The following PPFIA2 variants were observed in gnomAD, a reference collection of about 807,000 sequenced individuals.
The protein encoded by PPFIA2 is PPFI scaffold protein A2.
Under a neutral mutation model 175.5 loss-of-function variants are expected in PPFIA2, and 46 were observed. The ratio of observed to expected loss-of-function variants is 0.26; its 90% CI spans 0.21 to 0.34. The LOEUF is 0.34. PPFIA2 is among the 10% of genes least tolerant of loss of function. The pLI is 1.00. For synonymous variants in PPFIA2, 568 were observed against 511.4 expected, an observed-to-expected ratio of 1.11 and a Z score of -1.49; for missense variants, 1,179 against 1,506.1, an observed-to-expected ratio of 0.78 and a Z score of 3.60.
At chr12:81,553,892 T>C (rs1163658256) in intron 4 of PPFIA2, among the ~76,000 whole-genome samples, 1 of 152,030 alleles carries the variant, frequency 6.6e-6, no homozygotes, top group Non-Finnish European at 1.5e-5. Context: ...ATGGTGATGA[T>C]GGAGTAGGTG....
chr12:81,578,740 G>C (rs2073976988), intron 4 of PPFIA2, among the ~76,000 whole-genome samples: 1 of 151,674 alleles, frequency 6.6e-6, no homozygotes, highest in African/African-American at 2.4e-5. Context: ...AAAGTCACAT[G>C]GTTAGTAAAT....
At chr12:81,368,485 T>C (rs552687708) in intron 13 of PPFIA2, among the ~76,000 whole-genome samples, 10 of 151,948 alleles carry the variant, frequency 6.6e-5, no homozygotes, top group African/African-American at 2.2e-4. Flanking sequence ...TTTAATACAT[T>C]TGCCTCATAT....
chr12:81,616,330 C>A (rs1182898402), intron 4 of PPFIA2, among the ~76,000 whole-genome samples: 1 of 151,936 alleles, frequency 6.6e-6, no homozygotes, highest in African/African-American at 2.4e-5. Context: ...CCGTCAAATT[C>A]TATGATTTTA....
At chr12:81,518,969 G>A (rs2062791146) in intron 4 of PPFIA2, among the ~76,000 whole-genome samples, 2 of 152,024 alleles carry the variant, frequency 1.3e-5, no homozygotes. Flanking sequence ...AACCTTTAAA[G>A]CCTATTTGAT....
chr12:81,511,473 T>C (rs1320406780), intron 4 of PPFIA2, among the ~76,000 whole-genome samples: 2 of 152,132 alleles, frequency 1.3e-5, no homozygotes, highest in East Asian at 3.8e-4. Context: ...CAAATTTGGA[T>C]AACATAGGAA....
At chr12:81,360,103 C>T (rs1429958774) in intron 15 of PPFIA2, among the ~76,000 whole-genome samples, 1 of 151,880 alleles carries the variant, frequency 6.6e-6, no homozygotes, top group Non-Finnish European at 1.5e-5. Context: ...GTGCTATTGC[C>T]ATCTACCCTT....
intron 30 of PPFIA2, among the ~76,000 whole-genome samples, chr12:81,266,356 C>G (rs531959087): frequency 6.6e-6 from 1 of 152,216 alleles, no homozygotes; most frequent in East Asian, 1.9e-4. Context: ...TCATTCATCT[C>G]GGGAGGCTAC....
In PPFIA2 at chr12:81,384,233, A is replaced by T. The variant is rs745778927; in HGVS notation, c.774T>A (p.Asn258Lys). ...GQKVHEKRLSNGSIDSTDETS... is the reference protein window; with the variant it reads ...GQKVHEKRLSKGSIDSTDETS... ...TTTCATCGGTTGAGTCTATAGAACC[A>T]TTGGACAAACGCTGCAGAAATAGAA... Residue 258 changes from asparagine to lysine, a missense_variant, in exon 9 of 33, where the codon AAT becomes AAA. Physicochemically the swap from Asn to Lys is moderately conservative, Grantham distance 94. This residue lies in a region of PPFIA2 where 226 missense variants were observed against 216.6 expected (regional missense o/e 1.04). Coordinates refer to ENST00000549396, the MANE Select transcript of PPFIA2 (RefSeq NM_003625.5). The T allele has an allele frequency of 6.4e-7, 1 of 1,573,316 alleles. No homozygotes were observed. The highest frequency in any genetic ancestry group is 2.3e-5 in the East Asian group (1 of 43,588).
intron 5 of PPFIA2, among the ~76,000 whole-genome samples, chr12:81,452,987 C>CT (rs960701869): frequency 2.7e-5 from 4 of 146,876 alleles, no homozygotes; most frequent in East Asian, 2.0e-4. Context: ...TAACGTTTTT[C>CT]TTTTTTTTTA....
At chr12:81,296,925 T>C (rs1028229957) in intron 23 of PPFIA2, among the ~76,000 whole-genome samples, 1 of 152,202 alleles carries the variant, frequency 6.6e-6, no homozygotes, top group Non-Finnish European at 1.5e-5. Flanking sequence ...TTATTTCTAA[T>C]AAATAGCTGA....
At chr12:81,512,778 G>A (rs1368669591) in intron 4 of PPFIA2, among the ~76,000 whole-genome samples, 1 of 151,768 alleles carries the variant, frequency 6.6e-6, no homozygotes, top group Non-Finnish European at 1.5e-5. Context: ...ATAAATAAAT[G>A]AGAACAAAAT....
chr12:81,488,988 G>T (rs2059144410), intron 4 of PPFIA2, among the ~76,000 whole-genome samples: 1 of 151,766 alleles, frequency 6.6e-6, no homozygotes, highest in Non-Finnish European at 1.5e-5. Flanking sequence ...ACATAAACAA[G>T]TATCTGTCCT....
intron 4 of PPFIA2, among the ~76,000 whole-genome samples, chr12:81,660,981 A>C (rs2068738027): frequency 6.6e-6 from 1 of 152,206 alleles, no homozygotes; most frequent in Non-Finnish European, 1.5e-5. Context: ...AAAATACTTT[A>C]CAGACAAGCA....
At chr12:81,291,883 T>C (rs959723909) in intron 24 of PPFIA2, among the ~76,000 whole-genome samples, 9 of 152,092 alleles carry the variant, frequency 5.9e-5, no homozygotes, top group Non-Finnish European at 1.0e-4. Flanking sequence ...AGGAAAGATG[T>C]TTGAAAAACT....
At chr12:81,473,806 T>C (rs573163035) in intron 4 of PPFIA2, among the ~76,000 whole-genome samples, 7 of 152,344 alleles carry the variant, frequency 4.6e-5, no homozygotes, top group African/African-American at 9.6e-5. Flanking sequence ...TATTTACTTA[T>C]ATCAATAAAT....
At position 81,476,867 on chromosome 12, in the gene PPFIA2, A is replaced by G. The variant is rs915514231; in HGVS notation, c.304-19001T>C. Among the ~76,000 whole-genome samples, 10 of 152,220 alleles carry G rather than the reference A, an allele frequency of 6.6e-5. No homozygotes were observed. In the East Asian group the frequency reaches 1.9e-3, roughly 29 times the overall value. On this transcript the variant is annotated intron_variant, in intron 4 of 32. Coordinates refer to ENST00000549396, the MANE Select transcript of PPFIA2 (RefSeq NM_003625.5). ...ATGTGGTGCATAAACACCATGGAAT[A>G]GTATGCATCCATAAAAAGGAACGAG... is the stretch of plus-strand genomic sequence containing the variant.
intron 19 of PPFIA2, among the ~76,000 whole-genome samples, chr12:81,341,812 T>G (rs1322365959): frequency 1.3e-5 from 2 of 152,126 alleles, no homozygotes; most frequent in Admixed American, 1.3e-4. Context: ...AACAATTCAC[T>G]AACATATAGC....
rs548212194 is a variant in PPFIA2 at position 81,367,095 on chromosome 12, G to T, written c.1545+13C>A. On this transcript the variant is annotated intron_variant, in intron 14 of 32. Coordinates refer to ENST00000549396, the MANE Select transcript of PPFIA2 (RefSeq NM_003625.5). ...AATAGAAAATGGGCCCAAAACATAA[G>T]TTTCCATTATACCTTATCATGTAAA... 9.6e-6 allele frequency: 14 copies of T among 1,462,482 alleles called. No homozygotes were observed. The highest frequency in any genetic ancestry group is 1.8e-4 in the Middle Eastern group (1 of 5,570). The allele number at this position is 1,462,482 out of a possible 1,614,324, so 90.6% of individuals were successfully genotyped here. A position where few individuals can be genotyped will look rare whatever the true frequency, so the allele number is the denominator to read the frequency against.
At chr12:81,619,562 A>C (rs549624306) in intron 4 of PPFIA2, among the ~76,000 whole-genome samples, 1 of 152,348 alleles carries the variant, frequency 6.6e-6, no homozygotes, top group African/African-American at 2.4e-5. Flanking sequence ...TTTCTGGAAC[A>C]ATAAATTTAA....
Sources: allele counts gnomAD v4.1 joint callset (sites outside exome capture counted in the v4.1 genomes callset), GRCh38; gene constraint gnomAD v4.1.1; regional missense constraint gnomAD v4.1.1; transcripts MANE v1.5; gene names NCBI Gene and HGNC (gene_info 2026-07-23, HGNC 2026-07-21).